RALGAPA2: variants seen among roughly 807,000 people sequenced by gnomAD.
The protein encoded by RALGAPA2 is Ral GTPase activating protein catalytic subunit alpha 2, also known as ral GTPase-activating protein subunit alpha-2.
Under a neutral mutation model 230.4 loss-of-function variants are expected in RALGAPA2, and 139 were observed. The ratio of observed to expected loss-of-function variants is 0.60; its 90% CI spans 0.53 to 0.69. The LOEUF is 0.69. RALGAPA2 is among the 30% of genes least tolerant of loss of function. The pLI, the probability that RALGAPA2 is intolerant of heterozygous loss-of-function variation, is 0.00. For synonymous variants in RALGAPA2, 847 were observed against 837.8 expected (o/e 1.01, Z -0.19); for missense variants, 2,163 against 2,276.0 (o/e 0.95, Z 1.01).
At chr20:20,695,516 T>G (rs1025368949) in intron 1 of RALGAPA2, among the ~76,000 whole-genome samples, 2 of 152,210 alleles carry the variant, frequency 1.3e-5, no homozygotes, top group African/African-American at 4.8e-5. Context: ...TTCCTTGTTG[T>G]GCTTAAACCT....
chr20:20,648,024 C>T (rs542034466), intron 4 of RALGAPA2, among the ~76,000 whole-genome samples: 5 of 152,208 alleles, frequency 3.3e-5, no homozygotes, highest in East Asian at 1.9e-4. Flanking sequence ...CACACAAAGA[C>T]GAGCATAAAT....
intron 1 of RALGAPA2, among the ~76,000 whole-genome samples, chr20:20,686,692 C>T (rs940595780): frequency 2.0e-5 from 3 of 152,152 alleles, no homozygotes; most frequent in Admixed American, 2.0e-4. Flanking sequence ...GGTCACTAAT[C>T]CTAATACAGC....
intron 37 of RALGAPA2, among the ~76,000 whole-genome samples, chr20:20,444,722 G>A (rs2060820680): frequency 6.6e-6 from 1 of 152,164 alleles, no homozygotes; most frequent in South Asian, 2.1e-4. Context: ...TTGTTCTATA[G>A]TCTCACCAAC....
intron 35 of RALGAPA2, among the ~76,000 whole-genome samples, chr20:20,501,667 TTTTCC>T (rs2062380890): frequency 6.6e-6 from 1 of 152,222 alleles, no homozygotes. Flanking sequence ...CTTCAAAAAC[TTTTCC>T]TTTATGTTCA....
In RALGAPA2 at chr20:20,657,539, C is replaced by T. The variant is rs933019277; in HGVS notation, c.271-3952G>A. Among the ~76,000 whole-genome samples, 4 of 152,262 alleles carry T rather than the reference C, an allele frequency of 2.6e-5. No individual in the cohort carries two copies. In the East Asian group the frequency reaches 7.7e-4, roughly 29 times the overall value. ...GAAAGCTGAAGTTCTAAGAGACGGG[C>T]CCCCTACTTGAGAGACATGGCTTCT... On this transcript the variant is annotated intron_variant, in intron 3 of 39. Transcript: ENST00000202677.
chr20:20,643,212 G>A (rs2067101354), intron 5 of RALGAPA2, among the ~76,000 whole-genome samples: 1 of 152,152 alleles, frequency 6.6e-6, no homozygotes, highest in African/African-American at 2.4e-5. Flanking sequence ...TAAAACTGGA[G>A]CAGTCAGTGC....
Position 20,412,111 on chromosome 20 carries a change from G to T in RALGAPA2, c.5533C>A (p.Gln1845Lys). 3 of 1,613,944 alleles carry T rather than the reference G, an allele frequency of 1.9e-6. No homozygotes were observed. The highest frequency in any genetic ancestry group is 2.5e-6 in the Non-Finnish European group (3 of 1,179,880). ...AATGTCATTACTTCGCGGTGGTTCT[G>T]AATTATTGCTTCGAGATACAGAGCT... ...ERALYLEAIIQNHREVMTFED... is the reference protein window; with the variant it reads ...ERALYLEAIIKNHREVMTFED... Residue 1845 changes from glutamine (Q) to lysine (K), a missense_variant, in exon 38 of 40, where the codon CAG becomes AAG. Coordinates refer to ENST00000202677, the MANE Select transcript of RALGAPA2 (RefSeq NM_020343.4).
intron 9 of RALGAPA2, among the ~76,000 whole-genome samples, chr20:20,632,002 T>C (rs2066687775): frequency 6.7e-6 from 1 of 150,226 alleles, no homozygotes; most frequent in Non-Finnish European, 1.5e-5. Context: ...AATCATGACA[T>C]CTCCTGGCCC....
At chr20:20,548,723 C>G (rs182568095) in intron 23 of RALGAPA2, among the ~76,000 whole-genome samples, 10 of 152,278 alleles carry the variant, frequency 6.6e-5, no homozygotes, top group Non-Finnish European at 1.3e-4. Flanking sequence ...GTGGTAAACT[C>G]AGGATCCAAG....
chr20:20,599,601 G>A (rs1306327627), intron 16 of RALGAPA2, among the ~76,000 whole-genome samples: 1 of 152,138 alleles, frequency 6.6e-6, no homozygotes, highest in East Asian at 1.9e-4. Flanking sequence ...TAACATTAAT[G>A]AAATGGAACT....
At chr20:20,535,600 C>A in intron 26 of RALGAPA2, 145 bp downstream of exon 26, 2 of 1,237,408 alleles carry the variant, frequency 1.6e-6, no homozygotes, top group African/African-American at 3.1e-5. Flanking sequence ...TGCAAAGCAT[C>A]TTCCTGGCAT....
At chr20:20,635,947 C>T (rs1371849502) in intron 8 of RALGAPA2, among the ~76,000 whole-genome samples, 1 of 151,998 alleles carries the variant, frequency 6.6e-6, no homozygotes, top group East Asian at 1.9e-4. Flanking sequence ...TACATTATAC[C>T]TAATTTAATT....
intron 16 of RALGAPA2, among the ~76,000 whole-genome samples, chr20:20,591,528 G>GTATATATAT (rs2065291311): frequency 1.3e-5 from 2 of 152,068 alleles, no homozygotes; most frequent in Admixed American, 6.5e-5. Context: ...GTTCTATAAA[G>GTATATATAT]CCTTTTATTT....
intron 31 of RALGAPA2, among the ~76,000 whole-genome samples, chr20:20,515,862 G>T (rs75518626): frequency 4.6e-5 from 7 of 151,650 alleles, no homozygotes; most frequent in Admixed American, 1.3e-4. Context: ...GGGGGGCAGG[G>T]AAGTGCACTG....
intron 37 of RALGAPA2, among the ~76,000 whole-genome samples, chr20:20,460,674 C>A (rs192486366): frequency 7.4e-4 from 113 of 152,296 alleles, no homozygotes; most frequent in Middle Eastern, 3.4e-3. Context: ...TGTTTACTAT[C>A]CTACTGAGTT....
At chr20:20,545,692 T>C (rs756151973) in intron 24 of RALGAPA2, among the ~76,000 whole-genome samples, 3 of 152,228 alleles carry the variant, frequency 2.0e-5, no homozygotes, top group Non-Finnish European at 4.4e-5. Context: ...TAACTCTGAA[T>C]ATATAACAGC....
chr20:20,396,541 G>A (rs529681164), intron 39 of RALGAPA2, among the ~76,000 whole-genome samples, 154 bp downstream of exon 39: 2 of 152,344 alleles, frequency 1.3e-5, no homozygotes, highest in African/African-American at 2.4e-5. Context: ...ACATGCAGGG[G>A]CAGGAGTGTG....
intron 1 of RALGAPA2, 65 bp from the exon 2 acceptor site, chr20:20,680,866 A>C: frequency 6.6e-7 from 1 of 1,504,898 alleles, no homozygotes; most frequent in South Asian, 1.3e-5. Flanking sequence ...TTAGAAACAA[A>C]CTTCTCAGAA....
chr20:20,680,724 A>G lies in RALGAPA2; in HGVS notation c.184T>C (p.Phe62Leu), dbSNP rs1401747853. 5 of 1,579,056 alleles carry G rather than the reference A, an allele frequency of 3.2e-6. No individual in the cohort carries two copies. The highest frequency in any genetic ancestry group is 1.4e-5 in the African/African-American group (1 of 73,186). Reference protein sequence around the residue: ...SQIYFIFYENFIALENSLKLK... With the variant: ...SQIYFIFYENLIALENSLKLK... ...TTCAAACTATTTTCCAGTGCTATAA[A>G]ATTTTCATAGAAGATGAAATATATC... Residue 62 changes from phenylalanine (F) to leucine (L), a missense_variant, in exon 2 of 40, where the codon TTT becomes CTT. Physicochemically the swap from Phe to Leu is conservative, Grantham distance 22. Coordinates refer to ENST00000202677, the MANE Select transcript of RALGAPA2 (RefSeq NM_020343.4).
Sources: gnomAD v4.1 joint callset for allele counts (sites outside exome capture counted in the v4.1 genomes callset) on GRCh38, gnomAD v4.1.1 for gene constraint, MANE v1.5 for transcripts, NCBI Gene and HGNC (gene_info 2026-07-23, HGNC 2026-07-21) for gene names.